Variants in HOGA1 observed in about 807,000 individuals in gnomAD.
HOGA1 encodes the protein 4-hydroxy-2-oxoglutarate aldolase, mitochondrial.
A neutral mutation model predicts 34.3 loss-of-function variants in HOGA1; 30 were observed. The observed-to-expected ratio is 0.87, with a 90% CI of 0.65 to 1.19. The LOEUF (loss-of-function observed/expected upper bound fraction) is 1.19, where lower values mean the gene tolerates loss of function less well. Ranked by LOEUF, HOGA1 falls within the 50% of genes most tolerant of loss-of-function variation. HOGA1 has a pLI of 0.00. For missense variants in HOGA1, 417 were observed against 436.5 expected, an observed-to-expected ratio of 0.96 and a Z score of 0.40; for synonymous variants, 161 against 174.0, an observed-to-expected ratio of 0.93 and a Z score of 0.59.
intron 1 of HOGA1, among the ~76,000 whole-genome samples, chr10:97,591,268 CTCAAG>C (rs2041020692): frequency 6.6e-6 from 1 of 152,096 alleles, no homozygotes. Context: ...TATCTTTGCT[CTCAAG>C]TCATGTGGCA....
chr10:97,590,154 G>T, intron 1 of HOGA1: 1 of 1,614,048 alleles, frequency 6.2e-7, no homozygotes, highest in African/African-American at 1.3e-5. Flanking sequence ...GGAGAAGTGG[G>T]CTCCGCTCTG....
intron 6 of HOGA1, among the ~76,000 whole-genome samples, chr10:97,604,491 C>CT (rs2041142756): frequency 6.6e-6 from 1 of 152,038 alleles, no homozygotes; most frequent in African/African-American, 2.4e-5. Flanking sequence ...CTGGCTAATT[C>CT]TTTTTTATTT....
At chr10:97,592,991 C>A (rs2041038606) in intron 1 of HOGA1, among the ~76,000 whole-genome samples, 1 of 135,026 alleles carries the variant, frequency 7.4e-6, no homozygotes. Context: ...GATCGCTCCA[C>A]TGCACTTTAG....
At position 97,611,505 on chromosome 10, in the gene HOGA1, T is replaced by G; in HGVS notation, c.835-5T>G. 6.2e-7 allele frequency: 1 copy of G among 1,614,214 alleles called. No homozygotes were observed. Among genetic ancestry groups the G allele is most frequent in the Non-Finnish European group, 8.5e-7 (1 of 1,180,016 alleles). On this transcript the variant is annotated splice_polypyrimidine_tract_variant and splice_region_variant and intron_variant, in intron 6 of 6. Transcript: ENST00000370646. ...CAGTCTCTTCTAACAGGCCCTGCTTTGCAGGTGACCCGGCGCTTTGGGATC... is the reference window on the plus strand; with the variant it reads ...CAGTCTCTTCTAACAGGCCCTGCTTGGCAGGTGACCCGGCGCTTTGGGATC...
At position 97,612,019 on chromosome 10, in the gene HOGA1, C is replaced by CT. The variant is rs869302447; in HGVS notation, c.*375dup. On this transcript the variant is annotated 3_prime_UTR_variant, in exon 7 of 7. Transcript: ENST00000370646. Reference sequence around the variant, plus strand: ...AGGCACAGTAAGGGAATTTTCTTTTCTTTTTTTTTTTTTTTGAGACAGAGT... The same window carrying CT: ...AGGCACAGTAAGGGAATTTTCTTTTCTTTTTTTTTTTTTTTTGAGACAGAGT... The CT allele has an allele frequency of 0.12, 18,878 of 155,450 alleles. 2,039 individuals carry two copies. The highest frequency in any genetic ancestry group is 0.3 in the African/African-American group (11,163 of 37,430). The allele number at this position is 155,450 out of a possible 1,614,324, so 9.6% of individuals were successfully genotyped here.
intron 1 of HOGA1, chr10:97,590,780 C>T (rs1189045086): frequency 8.1e-6 from 5 of 616,338 alleles, no homozygotes; most frequent in Non-Finnish European, 1.5e-5. Flanking sequence ...CAGAAGATGG[C>T]CCCTGTTGGA....
intron 1 of HOGA1, 104 bp from the exon 2 acceptor site, chr10:97,598,671 G>C (rs1009702537): frequency 1.8e-5 from 26 of 1,429,704 alleles, no homozygotes; most frequent in African/African-American, 1.4e-5. Context: ...TGCAAAGATG[G>C]GAAGGAAATG....
intron 1 of HOGA1, among the ~76,000 whole-genome samples, chr10:97,594,838 T>A (rs1409116767): frequency 6.6e-6 from 1 of 152,064 alleles, no homozygotes; most frequent in Admixed American, 6.6e-5. Flanking sequence ...TTGTGTCTAA[T>A]CCCACACATG....
Position 97,589,773 on chromosome 10 carries a change from C to A in HOGA1, c.211+4859C>A, listed in dbSNP as rs1330112173. On this transcript the variant is annotated intron_variant, in intron 1 of 6. Coordinates refer to ENST00000370646, the MANE Select transcript of HOGA1 (RefSeq NM_138413.4). ...AAGCATGAATCATACCACCAGAGAT[C>A]ACCCAGCGTGCTCTTAGCTCTGCCT... The A allele has an allele frequency of 1.2e-5, 9 of 727,296 alleles. No individual in the cohort carries two copies. The East Asian group carries it at 1.5e-4, about 12-fold the overall frequency. The allele number at this position is 727,296 out of a possible 1,614,324, so 45.1% of individuals were successfully genotyped here. A position where few individuals can be genotyped will look rare whatever the true frequency, so the allele number is the denominator to read the frequency against.
chr10:97,589,698 G>GT (rs1473214515), intron 1 of HOGA1: 2 of 586,706 alleles, frequency 3.4e-6, no homozygotes, highest in Non-Finnish European at 6.1e-6. Flanking sequence ...CCTAGGGAGG[G>GT]TGCAGCAGGG....
chr10:97,592,538 C>T (rs2041035088), intron 1 of HOGA1, among the ~76,000 whole-genome samples: 1 of 150,874 alleles, frequency 6.6e-6, no homozygotes, highest in Non-Finnish European at 1.5e-5. Context: ...CCGTGCCCAG[C>T]CAGAAAATCC....
rs2041197390 is a variant in HOGA1, at chr10:97,611,682, GC to G, written c.*25del. On this transcript the variant is annotated 3_prime_UTR_variant, in exon 7 of 7. Transcript: ENST00000370646. ...TGAGGGCAGGCAGGGTCCATGGCTG[GC>G]CTGAGCCCATCTCAGCCTCCTGCCT... The G allele has an allele frequency of 6.2e-7, 1 of 1,605,772 alleles. No homozygotes were observed. The highest frequency in any genetic ancestry group is 8.5e-7 in the Non-Finnish European group (1 of 1,177,786).
intron 5 of HOGA1, chr10:97,600,386 C>T (rs1209527747): frequency 6.6e-6 from 4 of 605,984 alleles, no homozygotes; most frequent in Non-Finnish European, 1.2e-5. Context: ...GTGTACAATC[C>T]CTGGCCTGTA....
rs765592721 is a variant in HOGA1 at position 97,599,666 on chromosome 10, G to A, written c.469-14G>A. 5.6e-6 allele frequency: 9 copies of A among 1,613,634 alleles called. No individual in the cohort carries two copies. The highest frequency in any genetic ancestry group is 5.3e-5 in the African/African-American group (4 of 74,980). ...GCTGCCCTCTCCTGCTTTTCTCTGC[G>A]CCCCCCTCCCCAGGTTGCTGATCTC... On this transcript the variant is annotated splice_polypyrimidine_tract_variant and intron_variant, in intron 3 of 6. Transcript: ENST00000370646.
chr10:97,601,483 A>G (rs1050395684), intron 5 of HOGA1, among the ~76,000 whole-genome samples: 3 of 152,008 alleles, frequency 2.0e-5, no homozygotes, highest in African/African-American at 7.2e-5. Context: ...CATCCGTCCT[A>G]CCCTCTTACA....
chr10:97,588,957 G>T (rs2040994678), intron 1 of HOGA1, among the ~76,000 whole-genome samples: 1 of 152,038 alleles, frequency 6.6e-6, no homozygotes, highest in Non-Finnish European at 1.5e-5. Context: ...TTAGTTGTCT[G>T]CACCTATGGA....
At chr10:97,588,994 C>T (rs1358887526) in intron 1 of HOGA1, among the ~76,000 whole-genome samples, 1 of 152,158 alleles carries the variant, frequency 6.6e-6, no homozygotes, top group Non-Finnish European at 1.5e-5. Context: ...CCCACCTGCT[C>T]ACAACCCGAA....
At position 97,598,701 on chromosome 10, in the gene HOGA1, G is replaced by T. The variant is rs753300175; in HGVS notation, c.212-74G>T. 100 of 1,561,668 alleles carry T rather than the reference G, an allele frequency of 6.4e-5. 1 individual carries two copies. Among genetic ancestry groups the T allele is most frequent in the Non-Finnish European group, 7.4e-5 (84 of 1,132,598 alleles). On this transcript the variant is annotated intron_variant, in intron 1 of 6. Coordinates refer to ENST00000370646, the MANE Select transcript of HOGA1 (RefSeq NM_138413.4). Reference sequence around the variant, plus strand: ...GAAATGTGTGAAAGATTATGGTGTCGTAAGGTAGGAACACCAATGTCCTAG... The same window carrying T: ...GAAATGTGTGAAAGATTATGGTGTCTTAAGGTAGGAACACCAATGTCCTAG...
At chr10:97,587,183 C>A (rs973465862) in intron 1 of HOGA1, among the ~76,000 whole-genome samples, 1 of 152,192 alleles carries the variant, frequency 6.6e-6, no homozygotes, top group African/African-American at 2.4e-5. Flanking sequence ...ATCTGTGTTT[C>A]TCTTGCCCTG....
Sources: allele counts gnomAD v4.1 joint callset (sites outside exome capture counted in the v4.1 genomes callset), GRCh38; gene constraint gnomAD v4.1.1; transcripts MANE v1.5; gene names NCBI Gene and HGNC (gene_info 2026-07-23, HGNC 2026-07-21).